FRMD6: variants seen among roughly 807,000 people sequenced by gnomAD.
FRMD6 encodes the protein FERM domain-containing protein 6.
FRMD6 carries 37 observed loss-of-function variants against 73.2 expected under a neutral mutation model. The ratio of observed to expected loss-of-function variants is 0.51; its 90% CI spans 0.39 to 0.66. FRMD6 has a LOEUF of 0.66. Among genes scored for constraint, FRMD6 ranks in the 30% least tolerant of loss-of-function variants. The probability of loss-of-function intolerance (pLI) is 0.00; values close to 1 mark genes in which losing one functional copy is unlikely to be tolerated. For missense variants in FRMD6, 714 were observed against 780.5 expected, an observed-to-expected ratio of 0.91 and a Z score of 1.02; for synonymous variants, 273 against 282.2, an observed-to-expected ratio of 0.97 and a Z score of 0.33.
In FRMD6 at chr14:51,618,179, T is replaced by G. The variant is rs1890786832; in HGVS notation, c.-147+47769T>G. ...GTACGCTGCATTACTTGCCTTAGTC[T>G]GGGTGTAAAACTTTTTAGAAGACTG... On this transcript the variant is annotated intron_variant, in intron 2 of 14. Transcript: ENST00000356218. 2.0e-5 allele frequency among the ~76,000 whole-genome samples: 3 copies of G among 152,170 alleles called. 1 individual carries two copies. The highest frequency in any genetic ancestry group is 2.0e-4 in the Admixed American group (3 of 15,272).
chr14:51,574,348 C>T (rs1888295699), intron 2 of FRMD6, among the ~76,000 whole-genome samples: 2 of 152,188 alleles, frequency 1.3e-5, no homozygotes, highest in African/African-American at 2.4e-5. Flanking sequence ...TCCACAGAGC[C>T]TTTAAAGCTA....
the FRMD6 span, among the ~76,000 whole-genome samples, chr14:51,456,327 G>A: frequency 7.5e-3 from 1,140 of 152,032 alleles, 14 homozygotes; most frequent in African/African-American, 0.026. Context: ...ACAGGCCCCA[G>A]TGTGTGATGT....
At chr14:51,710,903 G>GC (rs1457014196) in intron 7 of FRMD6, among the ~76,000 whole-genome samples, 1 of 151,958 alleles carries the variant, frequency 6.6e-6, no homozygotes, top group Non-Finnish European at 1.5e-5. Context: ...TTATGGTTTA[G>GC]CTGGTAGATT....
chr14:51,408,455 T>C, the FRMD6 span, among the ~76,000 whole-genome samples: 1 of 152,224 alleles, frequency 6.6e-6, no homozygotes, highest in Non-Finnish European at 1.5e-5. Flanking sequence ...ACTTCTCTTT[T>C]GAAATTTCTG....
At chr14:51,656,485 C>T (rs982050271) in intron 1 of FRMD6, among the ~76,000 whole-genome samples, 3 of 151,656 alleles carry the variant, frequency 2.0e-5, no homozygotes, top group African/African-American at 4.9e-5. Context: ...CTGATCTCAG[C>T]TCACTGCAGC....
the FRMD6 span, among the ~76,000 whole-genome samples, chr14:51,446,189 G>A: frequency 6.6e-6 from 1 of 152,180 alleles, no homozygotes; most frequent in Non-Finnish European, 1.5e-5. Context: ...ACATTTTCTG[G>A]GAAAAACATG....
At chr14:51,662,873 G>C (rs1428613605) in intron 1 of FRMD6, among the ~76,000 whole-genome samples, 1 of 152,100 alleles carries the variant, frequency 6.6e-6, no homozygotes, top group Non-Finnish European at 1.5e-5. Context: ...GAAAATATTT[G>C]CAAAGTATGT....
intron 1 of FRMD6, among the ~76,000 whole-genome samples, chr14:51,670,264 G>A (rs531711501): frequency 9.9e-5 from 15 of 152,144 alleles, no homozygotes; most frequent in African/African-American, 3.4e-4. Flanking sequence ...AATTGTTTTT[G>A]TGGAGATGGG....
the FRMD6 span, among the ~76,000 whole-genome samples, chr14:51,476,650 A>C: frequency 6.6e-6 from 1 of 152,238 alleles, no homozygotes; most frequent in East Asian, 1.9e-4. Context: ...ATAAGGGAAA[A>C]GAAGCTTTTC....
chr14:51,489,342 G>A (rs1304205710), exon 1 of FRMD6: 1 of 152,552 alleles, frequency 6.6e-6, no homozygotes, highest in East Asian at 1.9e-4. Flanking sequence ...TGGTTCCAGG[G>A]GCAGGAGCTG....
At chr14:51,533,332 A>G (rs1198075092) in intron 1 of FRMD6, among the ~76,000 whole-genome samples, 2 of 152,176 alleles carry the variant, frequency 1.3e-5, no homozygotes, top group African/African-American at 4.8e-5. Flanking sequence ...TATTTCTTAG[A>G]GTGGTTTGAT....
chr14:51,569,559 A>G (rs925492066), intron 1 of FRMD6, among the ~76,000 whole-genome samples: 1 of 132,020 alleles, frequency 7.6e-6, no homozygotes, highest in African/African-American at 2.9e-5. Context: ...GCTGGCGTGC[A>G]GTGGTGTGAA....
intron 1 of FRMD6, among the ~76,000 whole-genome samples, chr14:51,549,665 A>T (rs141448227): frequency 7.5e-6 from 1 of 133,238 alleles, no homozygotes; most frequent in African/African-American, 2.9e-5. Context: ...GCGCACTCTC[A>T]GCTCACTGCA....
chr14:51,436,743 AT>A, the FRMD6 span: 4 of 540,780 alleles, frequency 7.4e-6, no homozygotes, highest in Non-Finnish European at 6.8e-6. Flanking sequence ...TTGGTTTCCG[AT>A]ATGGATGATG....
the FRMD6 span, among the ~76,000 whole-genome samples, chr14:51,464,251 G>A: frequency 6.6e-6 from 1 of 152,230 alleles, no homozygotes; most frequent in Admixed American, 6.5e-5. Flanking sequence ...TGGGGAGAGA[G>A]AGCATCAGGA....
intron 2 of FRMD6, among the ~76,000 whole-genome samples, chr14:51,587,508 T>C (rs1182584080): frequency 6.6e-6 from 1 of 152,216 alleles, no homozygotes; most frequent in Non-Finnish European, 1.5e-5. Flanking sequence ...TCGTTTATTA[T>C]TAAAGATTTA....
At chr14:51,436,676 A>G in the FRMD6 span, 1 of 529,514 alleles carries the variant, frequency 1.9e-6, no homozygotes, top group South Asian at 1.9e-5. Flanking sequence ...TGTAGGGGCT[A>G]ATGAGTTAGG....
At chr14:51,594,836 C>A (rs1024899903) in intron 2 of FRMD6, among the ~76,000 whole-genome samples, 2 of 152,226 alleles carry the variant, frequency 1.3e-5, no homozygotes, top group African/African-American at 4.8e-5. Flanking sequence ...GGAAATAAAG[C>A]AGGAAGAGTC....
intron 1 of FRMD6, among the ~76,000 whole-genome samples, chr14:51,568,799 C>T (rs992648197): frequency 1.3e-5 from 2 of 151,364 alleles, no homozygotes; most frequent in Non-Finnish European, 2.9e-5. Context: ...CATTGTATTT[C>T]TTCCCTTACC....
Sources: gnomAD v4.1 joint callset for allele counts (sites outside exome capture counted in the v4.1 genomes callset) on GRCh38, gnomAD v4.1.1 for gene constraint, MANE v1.5 for transcripts, NCBI Gene and HGNC (gene_info 2026-07-23, HGNC 2026-07-21) for gene names.